The following RCAN2 variants were observed in gnomAD, a reference collection of about 807,000 sequenced individuals.
RCAN2 encodes calcipressin-2.
Under a neutral mutation model 23.6 loss-of-function variants are expected in RCAN2, and 9 were observed. The ratio of observed to expected loss-of-function variants is 0.38; its 90% CI spans 0.23 to 0.67. RCAN2 has a LOEUF of 0.67. RCAN2 is among the 30% of genes least tolerant of loss of function. RCAN2 has a pLI of 0.51. For missense variants in RCAN2, 273 were observed against 302.3 expected (o/e 0.90, Z 0.72); for synonymous variants, 109 against 115.7 (o/e 0.94, Z 0.37).
chr6:46,325,274 T>C, intron 2 of RCAN2: 1 of 1,076,864 alleles, frequency 9.3e-7, no homozygotes, highest in East Asian at 2.6e-5. Flanking sequence ...TACATGCATT[T>C]CTAGCGCAGA....
intron 2 of RCAN2, among the ~76,000 whole-genome samples, chr6:46,414,008 T>C (rs548418896): frequency 2.0e-5 from 3 of 150,438 alleles, no homozygotes; most frequent in African/African-American, 7.3e-5. Flanking sequence ...TTGTGTAGAT[T>C]TAGCAGAGAT....
intron 4 of RCAN2, among the ~76,000 whole-genome samples, chr6:46,237,521 A>T (rs1246134672): frequency 1.3e-5 from 2 of 151,864 alleles, no homozygotes; most frequent in Non-Finnish European, 2.9e-5. Context: ...CACCCCACAT[A>T]CTCTCCTGTA....
chr6:46,263,521 A>ATGTGTGTGTGTGTG (rs1166873309), intron 2 of RCAN2, among the ~76,000 whole-genome samples: 4 of 105,018 alleles, frequency 3.8e-5, no homozygotes, highest in Non-Finnish European at 5.2e-5. Context: ...GTATGTGTGT[A>ATGTGTGTGTGTGTG]TGTGTGTGTG....
At chr6:46,394,809 G>A (rs1321915324) in intron 2 of RCAN2, among the ~76,000 whole-genome samples, 1 of 152,088 alleles carries the variant, frequency 6.6e-6, no homozygotes, top group Non-Finnish European at 1.5e-5. Flanking sequence ...CCAATACACA[G>A]GCTATTGAAA....
intron 2 of RCAN2, among the ~76,000 whole-genome samples, chr6:46,305,813 C>A (rs1420778751): frequency 6.6e-6 from 1 of 151,912 alleles, no homozygotes; most frequent in Non-Finnish European, 1.5e-5. Context: ...CTTAGTTAAA[C>A]CAATTTAACA....
chr6:46,334,040 T>G (rs531689059), intron 2 of RCAN2, among the ~76,000 whole-genome samples: 1 of 152,250 alleles, frequency 6.6e-6, no homozygotes, highest in Non-Finnish European at 1.5e-5. Flanking sequence ...CCTTTGCGCT[T>G]GGCCATCCCT....
At chr6:46,269,451 G>C (rs758660092) in intron 2 of RCAN2, among the ~76,000 whole-genome samples, 1 of 152,160 alleles carries the variant, frequency 6.6e-6, no homozygotes, top group Non-Finnish European at 1.5e-5. Context: ...ATATTAAATA[G>C]ATCTCTTTTT....
chr6:46,427,803 G>A (rs950582368), intron 2 of RCAN2, among the ~76,000 whole-genome samples: 7 of 152,220 alleles, frequency 4.6e-5, no homozygotes, highest in Admixed American at 3.9e-4. Flanking sequence ...CCAAGCGTAA[G>A]TTTATGGCAG....
At chr6:46,345,852 C>T (rs1039431964) in intron 2 of RCAN2, among the ~76,000 whole-genome samples, 1 of 152,024 alleles carries the variant, frequency 6.6e-6, no homozygotes, top group Non-Finnish European at 1.5e-5. Flanking sequence ...ATTTTTTGTT[C>T]TGGAAAATAT....
At chr6:46,411,405 T>C (rs4383813) in intron 2 of RCAN2, among the ~76,000 whole-genome samples, 62,175 of 152,004 alleles carry the variant, frequency 0.41, 15,687 homozygotes, top group East Asian at 0.59. Flanking sequence ...GAGATGGGTG[T>C]TTATGATCAT....
chr6:46,316,049 G>T (rs551573157), intron 2 of RCAN2, among the ~76,000 whole-genome samples: 4 of 152,256 alleles, frequency 2.6e-5, no homozygotes, highest in Admixed American at 2.0e-4. Context: ...TCTGATGTAG[G>T]GTTCTGTCAC....
intron 2 of RCAN2, among the ~76,000 whole-genome samples, chr6:46,278,507 T>C (rs1472435386): frequency 6.6e-6 from 1 of 152,194 alleles, no homozygotes; most frequent in Non-Finnish European, 1.5e-5. Context: ...AAGGACATTC[T>C]CTTCTATAAC....
At chr6:46,264,036 C>G (rs1019277764) in intron 2 of RCAN2, among the ~76,000 whole-genome samples, 1 of 152,174 alleles carries the variant, frequency 6.6e-6, no homozygotes, top group Non-Finnish European at 1.5e-5. Context: ...CAGCTTGGAG[C>G]CTCTTTAAAA....
chr6:46,363,180 T>C (rs1191976287), intron 2 of RCAN2, among the ~76,000 whole-genome samples: 1 of 152,196 alleles, frequency 6.6e-6, no homozygotes, highest in Non-Finnish European at 1.5e-5. Context: ...AAATGAATAA[T>C]TCATCATTTA....
At chr6:46,307,997 C>A (rs1290264624) in intron 2 of RCAN2, among the ~76,000 whole-genome samples, 1 of 152,138 alleles carries the variant, frequency 6.6e-6, no homozygotes, top group Non-Finnish European at 1.5e-5. Flanking sequence ...AATTATCCAG[C>A]AAATAAACAA....
intron 2 of RCAN2, among the ~76,000 whole-genome samples, chr6:46,442,842 A>G (rs1767592491): frequency 6.6e-6 from 1 of 152,102 alleles, no homozygotes; most frequent in Non-Finnish European, 1.5e-5. Context: ...GTCACTCAGT[A>G]CTGTGGAGAA....
In RCAN2 at chr6:46,221,057, G is replaced by C. The variant is rs1019659969; in HGVS notation, c.*2084C>G. 4 of 152,434 alleles carry C rather than the reference G, an allele frequency of 2.6e-5. No homozygotes were observed. The highest frequency in any genetic ancestry group is 4.8e-5 in the African/African-American group (2 of 41,368). The allele number at this position is 152,434 out of a possible 1,614,324, so 9.4% of individuals were successfully genotyped here. On this transcript the variant is annotated 3_prime_UTR_variant, in exon 5 of 5. Transcript: ENST00000371374. ...TCTGAGACAGGTTAACATTGACACA[G>C]AGCAATAAGTTTTACTAAGACTAAC...
intron 2 of RCAN2, among the ~76,000 whole-genome samples, chr6:46,449,745 A>T (rs1024261534): frequency 2.0e-5 from 3 of 151,958 alleles, no homozygotes; most frequent in Admixed American, 6.6e-5. Flanking sequence ...TTTAATAATA[A>T]TAATGTTGGA....
intron 2 of RCAN2, among the ~76,000 whole-genome samples, chr6:46,293,424 A>G (rs1160233741): frequency 1.3e-5 from 2 of 152,212 alleles, no homozygotes; most frequent in Non-Finnish European, 2.9e-5. Context: ...GGGTATAGAC[A>G]TTAGCTATAT....
Sources: allele counts gnomAD v4.1 joint callset (sites outside exome capture counted in the v4.1 genomes callset), GRCh38; gene constraint gnomAD v4.1.1; transcripts MANE v1.5; gene names NCBI Gene and HGNC (gene_info 2026-07-23, HGNC 2026-07-21).